Variants in SHOC2 observed in about 807,000 individuals in gnomAD.
The protein encoded by SHOC2 is leucine-rich repeat protein SHOC-2.
Under a neutral mutation model 50.2 loss-of-function variants are expected in SHOC2, and 4 were observed. That is an observed-to-expected ratio of 0.08 (90% CI 0.04 to 0.18). The LOEUF is 0.18. SHOC2 is among the 10% of genes least tolerant of loss of function. The pLI is 1.00. For missense variants in SHOC2, 388 were observed against 669.6 expected (o/e 0.58, Z 4.64); for synonymous variants, 218 against 244.5 (o/e 0.89, Z 1.01).
At chr10:110,945,343 C>T (rs1356975684) in intron 1 of SHOC2, among the ~76,000 whole-genome samples, 3 of 152,144 alleles carry the variant, frequency 2.0e-5, no homozygotes, top group Non-Finnish European at 2.9e-5. Context: ...TGCTTTTTAA[C>T]GTAGCTTCTA....
At position 110,964,296 on chromosome 10, in the gene SHOC2, T is replaced by C; in HGVS notation, c.-63T>C. The C allele has an allele frequency of 6.3e-7, 1 of 1,574,810 alleles. No individual in the cohort carries two copies. The highest frequency in any genetic ancestry group is 8.6e-7 in the Non-Finnish European group (1 of 1,161,382). ...TGTGTAGGATCTTTGTCTCTTCATC[T>C]TTGAATTCAATTACTGGAAAATAAA... On this transcript the variant is annotated 5_prime_UTR_variant, in exon 2 of 9. Coordinates refer to ENST00000369452, the MANE Select transcript of SHOC2 (RefSeq NM_007373.4). The surrounding 1 kb of genome is among the most constrained non-coding windows in gnomAD (Gnocchi z 4.9).
In SHOC2 at chr10:110,971,196, G is replaced by A. The variant is rs1321775547; in HGVS notation, c.703+6135G>A. On this transcript the variant is annotated intron_variant, in intron 2 of 8. Coordinates refer to ENST00000369452, the MANE Select transcript of SHOC2 (RefSeq NM_007373.4). ...TATATTTTTGGTTCTTGACATTTAA[G>A]TCTTCAATTCATTCTGAGTTAGTTT... Among the ~76,000 whole-genome samples the A allele has an allele frequency of 3.9e-5, 6 of 152,134 alleles. No homozygotes were observed. In the East Asian group the frequency reaches 1.2e-3, roughly 29 times the overall value.
At chr10:110,988,960 G>T in intron 3 of SHOC2, 1 of 518,110 alleles carries the variant, frequency 1.9e-6, no homozygotes, top group Admixed American at 2.0e-5. Context: ...CGCGGTTTTT[G>T]CTATTACTTT....
chr10:110,948,713 C>T (rs768722089), intron 1 of SHOC2, among the ~76,000 whole-genome samples: 7 of 152,068 alleles, frequency 4.6e-5, no homozygotes, highest in Non-Finnish European at 8.8e-5. Flanking sequence ...GCAAAACTTA[C>T]GTGAAGCAGC....
At chr10:110,951,055 T>G (rs927867324) in intron 1 of SHOC2, among the ~76,000 whole-genome samples, 1 of 152,200 alleles carries the variant, frequency 6.6e-6, no homozygotes, top group Non-Finnish European at 1.5e-5. Context: ...ATCAACTGAA[T>G]AAGCTTCGGC....
At position 110,985,618 on chromosome 10, in the gene SHOC2, C is replaced by A; in HGVS notation, c.704-10C>A. Reference sequence around the variant, plus strand: ...ATGCTTATTGAATTTTTATGTTGGTCAATTTACAGGTGAATTATGTAACCT... The same window carrying A: ...ATGCTTATTGAATTTTTATGTTGGTAAATTTACAGGTGAATTATGTAACCT... On this transcript the variant is annotated splice_polypyrimidine_tract_variant and intron_variant, in intron 2 of 8. Coordinates refer to ENST00000369452, the MANE Select transcript of SHOC2 (RefSeq NM_007373.4). 1.2e-6 allele frequency: 2 copies of A among 1,600,370 alleles called. No homozygotes were observed. Among genetic ancestry groups the A allele is most frequent in the South Asian group, 1.1e-5 (1 of 90,594 alleles).
chr10:110,955,269 G>C lies in SHOC2; in HGVS notation c.-234-8856G>C, dbSNP rs1380545065. Among the ~76,000 whole-genome samples, 4 of 152,154 alleles carry C rather than the reference G, an allele frequency of 2.6e-5. No homozygotes were observed. In the East Asian group the frequency reaches 7.7e-4, roughly 29 times the overall value. On this transcript the variant is annotated intron_variant, in intron 1 of 8. Coordinates refer to ENST00000369452, the MANE Select transcript of SHOC2 (RefSeq NM_007373.4). The stretch of plus-strand genomic sequence containing the variant: ...GTGAAGGCAATGAATGTGGAGAGTA[G>C]ACGATTTGTGATTCATTTTGACTAA...
At chr10:111,009,657 T>C in intron 7 of SHOC2, 56 bp from the exon 8 acceptor site, 1 of 1,085,598 alleles carries the variant, frequency 9.2e-7, no homozygotes. Context: ...ATTTTCAGTT[T>C]ACATTAAATG....
At chr10:110,936,169 T>C (rs1297835850) in intron 1 of SHOC2, among the ~76,000 whole-genome samples, 1 of 150,728 alleles carries the variant, frequency 6.6e-6, no homozygotes, top group Admixed American at 6.6e-5. Flanking sequence ...CGATCTCGGC[T>C]CACTGCAACC....
intron 1 of SHOC2, among the ~76,000 whole-genome samples, chr10:110,931,120 CCCATGTCTCT>C: frequency 6.6e-6 from 1 of 152,208 alleles, no homozygotes; most frequent in African/African-American, 2.4e-5. Context: ...ATAAATCAGT[CCCATGTCTCT>C]CCATGTCTTT....
chr10:110,996,270 T>C (rs1047292618), intron 3 of SHOC2, among the ~76,000 whole-genome samples: 1 of 152,218 alleles, frequency 6.6e-6, no homozygotes, highest in African/African-American at 2.4e-5. Context: ...GGCTCACGCC[T>C]GTAATCCCAG....
At chr10:110,949,217 C>CA (rs1170155371) in intron 1 of SHOC2, among the ~76,000 whole-genome samples, 11 of 151,190 alleles carry the variant, frequency 7.3e-5, no homozygotes, top group Non-Finnish European at 1.3e-4. Context: ...CTAGACTATG[C>CA]AAAAAAAGGA....
At chr10:110,961,962 T>G (rs1847580264) in intron 1 of SHOC2, among the ~76,000 whole-genome samples, 1 of 152,126 alleles carries the variant, frequency 6.6e-6, no homozygotes, top group Non-Finnish European at 1.5e-5. Flanking sequence ...GCGTTTATTT[T>G]TATAAAATAC....
intron 1 of SHOC2, among the ~76,000 whole-genome samples, chr10:110,930,487 T>C (rs1320028117): frequency 6.6e-6 from 1 of 152,180 alleles, no homozygotes; most frequent in Admixed American, 6.5e-5. Flanking sequence ...CAGTTTTTAG[T>C]TTAAAAGGTC....
chr10:110,953,056 A>T (rs1847386558), intron 1 of SHOC2, among the ~76,000 whole-genome samples: 1 of 152,222 alleles, frequency 6.6e-6, no homozygotes, highest in South Asian at 2.1e-4. Flanking sequence ...TATTAGAATG[A>T]TTTATACTCC....
chr10:110,953,774 TTTAAACCTACCATC>T (rs911166411), intron 1 of SHOC2, among the ~76,000 whole-genome samples: 46 of 151,830 alleles, frequency 3.0e-4, no homozygotes, highest in Admixed American at 3.0e-3. Context: ...TGTATATATA[TTTAAACCTACCATC>T]TTATGCCACA....
rs557334390 is a variant in SHOC2, at chr10:111,012,474, C to A, written c.*656C>A. On this transcript the variant is annotated 3_prime_UTR_variant, in exon 9 of 9. Transcript: ENST00000369452. ...AAAGTGAAAAGATACAGTCAAAAAT[C>A]TAGAATTTCTTTAATTTTGCTTCTC... The A allele has an allele frequency of 1.3e-5, 2 of 151,776 alleles. No individual in the cohort carries two copies. The highest frequency in any genetic ancestry group is 6.6e-5 in the Admixed American group (1 of 15,222). The allele number at this position is 151,776 out of a possible 1,614,324, so 9.4% of individuals were successfully genotyped here.
chr10:110,986,154 T>TA (rs1848072307), intron 3 of SHOC2, among the ~76,000 whole-genome samples: 1 of 152,192 alleles, frequency 6.6e-6, no homozygotes, highest in Non-Finnish European at 1.5e-5. Flanking sequence ...TTTAGTTTTT[T>TA]AAACATGGCC....
chr10:110,943,489 C>G (rs1847190809), intron 1 of SHOC2, among the ~76,000 whole-genome samples: 2 of 152,076 alleles, frequency 1.3e-5, no homozygotes, highest in African/African-American at 2.4e-5. Context: ...TCCTTTAGTT[C>G]TACAGGCATG....
Sources: gnomAD v4.1 joint callset for allele counts (sites outside exome capture counted in the v4.1 genomes callset) on GRCh38, gnomAD v4.1.1 for gene constraint, Gnocchi (gnomAD v3.1) non-coding constraint, MANE v1.5 for transcripts, NCBI Gene and HGNC (gene_info 2026-07-23, HGNC 2026-07-21) for gene names.